The following STK3 variants were observed in gnomAD, a reference collection of about 807,000 sequenced individuals.
The protein encoded by STK3 is serine/threonine-protein kinase 3.
Under a neutral mutation model 58.0 loss-of-function variants are expected in STK3, and 41 were observed. The observed-to-expected ratio is 0.71, with a 90% CI of 0.55 to 0.92. The LOEUF is 0.92. STK3 is among the 40% of genes least tolerant of loss of function. The pLI is 0.00. For missense variants in STK3, 479 were observed against 602.7 expected (o/e 0.79, Z 2.15); for synonymous variants, 170 against 191.0 (o/e 0.89, Z 0.91).
At chr8:98,778,465 A>G (rs1230739214) in intron 1 of STK3, among the ~76,000 whole-genome samples, 9 of 152,142 alleles carry the variant, frequency 5.9e-5, no homozygotes, top group African/African-American at 1.7e-4. Flanking sequence ...TGTGGAAGAC[A>G]GTGTGGCGAT....
intron 6 of STK3, among the ~76,000 whole-genome samples, chr8:98,623,286 C>T (rs573430925): frequency 9.9e-4 from 151 of 152,276 alleles, no homozygotes; most frequent in African/African-American, 3.1e-3. Flanking sequence ...TTGACTGTTA[C>T]GGACTGAATT....
chr8:98,693,622 T>C (rs1448296792), intron 6 of STK3, among the ~76,000 whole-genome samples: 1 of 152,168 alleles, frequency 6.6e-6, no homozygotes, highest in Non-Finnish European at 1.5e-5. Context: ...TAAATGAAGA[T>C]ACTCCTCTAT....
intron 2 of STK3, among the ~76,000 whole-genome samples, chr8:98,372,639 G>A (rs559810073): frequency 6.6e-5 from 10 of 151,744 alleles, no homozygotes; most frequent in South Asian, 2.1e-4. Flanking sequence ...CAACATCCTC[G>A]CTACTATTTA....
chr8:98,608,900 C>T (rs190718146), intron 6 of STK3, among the ~76,000 whole-genome samples: 1 of 152,312 alleles, frequency 6.6e-6, no homozygotes, highest in Non-Finnish European at 1.5e-5. Context: ...CATCTGATTA[C>T]TTGAGGGTTA....
At chr8:98,454,234 C>T (rs150651743), downstream of STK3, among the ~76,000 whole-genome samples, 5 of 152,280 alleles carry the variant, frequency 3.3e-5, no homozygotes, top group South Asian at 4.1e-4. Flanking sequence ...CCTCCAGCTA[C>T]GTGGTGATGC....
At chr8:98,557,413 A>G (rs953664439) in intron 8 of STK3, among the ~76,000 whole-genome samples, 2 of 152,110 alleles carry the variant, frequency 1.3e-5, no homozygotes, top group Admixed American at 1.3e-4. Context: ...CAACTCTGGT[A>G]AAGGATAGCA....
chr8:98,515,184 C>T (rs1223508516), intron 10 of STK3, among the ~76,000 whole-genome samples: 1 of 152,050 alleles, frequency 6.6e-6, no homozygotes, highest in African/African-American at 2.4e-5. Flanking sequence ...CTATGCTTCA[C>T]TTTGACACCA....
chr8:98,346,822 A>T, the STK3 span, among the ~76,000 whole-genome samples: 1,863 of 152,060 alleles, frequency 0.012, 28 homozygotes, highest in Non-Finnish European at 0.017. Flanking sequence ...CAGGCAGAAA[A>T]AAAAAAGATA....
chr8:98,854,989 G>A (rs900977224), intron 3 of STK3, among the ~76,000 whole-genome samples: 8 of 152,228 alleles, frequency 5.3e-5, no homozygotes, highest in Non-Finnish European at 7.4e-5. Context: ...CCTGGTAGGC[G>A]GAGATTGCAG....
chr8:98,564,883 C>G (rs879324723), intron 8 of STK3, among the ~76,000 whole-genome samples: 1 of 151,952 alleles, frequency 6.6e-6, no homozygotes, highest in Non-Finnish European at 1.5e-5. Flanking sequence ...AGAATAGGCA[C>G]TTTAGTTTCA....
chr8:98,807,048 G>A (rs112779796), intron 1 of STK3, among the ~76,000 whole-genome samples: 1,574 of 151,732 alleles, frequency 0.01, 31 homozygotes, highest in African/African-American at 0.036. Flanking sequence ...CAGCCACTTG[G>A]GAGGCTGAGG....
chr8:98,847,333 A>T (rs1190670749), intron 3 of STK3, among the ~76,000 whole-genome samples: 1 of 152,212 alleles, frequency 6.6e-6, no homozygotes, highest in Non-Finnish European at 1.5e-5. Context: ...TGTGCTGCTA[A>T]AAGAAAAAGT....
chr8:98,551,667 G>A (rs552687397), intron 8 of STK3, among the ~76,000 whole-genome samples: 5 of 152,172 alleles, frequency 3.3e-5, no homozygotes, highest in Admixed American at 1.3e-4. Context: ...ACAGACTGGC[G>A]CACAAGGATA....
chr8:98,629,781 C>T (rs1390766277), intron 6 of STK3, among the ~76,000 whole-genome samples: 1 of 152,158 alleles, frequency 6.6e-6, no homozygotes, highest in East Asian at 1.9e-4. Context: ...ACTGCCCCTC[C>T]CAAGGCTAGC....
intron 3 of STK3, among the ~76,000 whole-genome samples, chr8:98,833,995 T>C (rs912123842): frequency 6.6e-6 from 1 of 152,050 alleles, no homozygotes; most frequent in Non-Finnish European, 1.5e-5. Flanking sequence ...AACCTTTATC[T>C]GAGGGATGTG....
At chr8:98,703,512 A>T (rs1825757933) in intron 6 of STK3, among the ~76,000 whole-genome samples, 3 of 152,242 alleles carry the variant, frequency 2.0e-5, no homozygotes, top group Non-Finnish European at 2.9e-5. Context: ...ACCTCCTGAG[A>T]TTCTGATTTA....
At chr8:98,365,945 G>C in the STK3 span, among the ~76,000 whole-genome samples, 1 of 151,760 alleles carries the variant, frequency 6.6e-6, no homozygotes, top group African/African-American at 2.4e-5. Context: ...TGGGCATTTT[G>C]TGGTTTCCAT....
intron 1 of STK3, among the ~76,000 whole-genome samples, chr8:98,904,316 A>G (rs370563049): frequency 6.6e-6 from 1 of 152,202 alleles, no homozygotes; most frequent in Non-Finnish European, 1.5e-5. Context: ...TCCACTGCAC[A>G]GGAAAAAGGG....
chr8:98,415,751 A>T (rs1182817624), intron 3 of STK3, among the ~76,000 whole-genome samples: 18 of 152,262 alleles, frequency 1.2e-4, no homozygotes. Flanking sequence ...AGTAAACTTC[A>T]TCCTATTCCA....
Sources: gnomAD v4.1 joint callset for allele counts (sites outside exome capture counted in the v4.1 genomes callset) on GRCh38, gnomAD v4.1.1 for gene constraint, MANE v1.5 for transcripts, NCBI Gene and HGNC (gene_info 2026-07-23, HGNC 2026-07-21) for gene names.